Variants in PLAG1 observed in about 807,000 individuals in gnomAD.
The protein encoded by PLAG1 is PLAG1 zinc finger.
Under a neutral mutation model 35.5 loss-of-function variants are expected in PLAG1, and 7 were observed. That is an observed-to-expected ratio of 0.20 (90% confidence interval 0.11 to 0.37). The LOEUF is 0.37. PLAG1 is among the 10% of genes least tolerant of loss of function. PLAG1 has a pLI of 1.00. For synonymous variants in PLAG1, 229 were observed against 225.4 expected (o/e 1.02, Z -0.14); for missense variants, 454 against 602.8 (o/e 0.75, Z 2.58).
intron 2 of PLAG1, among the ~76,000 whole-genome samples, chr8:56,172,151 T>G (rs1057498555): frequency 1.3e-5 from 2 of 152,300 alleles, no homozygotes; most frequent in Non-Finnish European, 2.9e-5. Flanking sequence ...AAAAATAACT[T>G]TCAGATTCTT....
At chr8:56,206,137 A>G (rs987207260) in intron 1 of PLAG1, among the ~76,000 whole-genome samples, 1 of 152,056 alleles carries the variant, frequency 6.6e-6, no homozygotes, top group Non-Finnish European at 1.5e-5. Context: ...GAAAACAAAA[A>G]TACCCAAGTG....
intron 2 of PLAG1, among the ~76,000 whole-genome samples, chr8:56,176,890 C>A (rs558415471): frequency 6.6e-6 from 1 of 152,236 alleles, no homozygotes; most frequent in African/African-American, 2.4e-5. Flanking sequence ...ATCTAGAGAA[C>A]ATGCCTCCAT....
rs548443753 is a variant in PLAG1, at chr8:56,176,676, T to C, written c.-217+2733A>G. Among the ~76,000 whole-genome samples the C allele has an allele frequency of 2.6e-3, 389 of 152,126 alleles. 2 individuals are homozygous for C. Among genetic ancestry groups the C allele is most frequent in the African/African-American group, 8.9e-3 (369 of 41,522 alleles). On this transcript the variant is annotated intron_variant, in intron 2 of 4. Transcript: ENST00000316981. ...ATAATTTCCTGTGCTTTTTTTTTTT[T>C]CTATAAAACAGTCCCAAAATATTGG...
Position 56,164,233 on chromosome 8 carries a change from TA to T in PLAG1, c.*2009del. On this transcript the variant is annotated 3_prime_UTR_variant, in exon 5 of 5. Coordinates refer to ENST00000316981, the MANE Select transcript of PLAG1 (RefSeq NM_002655.3). ...GTATAAAAACTACTGCTCCAAGGAT[TA>T]AAAAAATATAGGAGCATGATAAAAT... is the stretch of plus-strand genomic sequence containing the variant. 4.9e-6 allele frequency: 1 copy of T among 203,550 alleles called. No homozygotes were observed. The highest frequency in any genetic ancestry group is 1.0e-5 in the Non-Finnish European group (1 of 99,112). The allele number at this position is 203,550 out of a possible 1,614,324, so 12.6% of individuals were successfully genotyped here.
chr8:56,205,970 AG>A (rs1812688628), intron 1 of PLAG1, among the ~76,000 whole-genome samples: 1 of 152,030 alleles, frequency 6.6e-6, no homozygotes. Flanking sequence ...TAAGACATCC[AG>A]GGACTTTTAA....
chr8:56,198,285 T>C (rs1447091176), intron 1 of PLAG1, among the ~76,000 whole-genome samples: 1 of 152,028 alleles, frequency 6.6e-6, no homozygotes, highest in African/African-American at 2.4e-5. Flanking sequence ...TATGGAGCAG[T>C]GCTCCAGGGC....
chr8:56,194,791 T>C (rs1475699610), intron 1 of PLAG1, among the ~76,000 whole-genome samples: 2 of 151,714 alleles, frequency 1.3e-5, no homozygotes, highest in Non-Finnish European at 2.9e-5. Context: ...AGAAAGAGAA[T>C]GGAGATGGCA....
At chr8:56,189,141 A>G (rs1812107040) in intron 1 of PLAG1, among the ~76,000 whole-genome samples, 1 of 152,230 alleles carries the variant, frequency 6.6e-6, no homozygotes, top group South Asian at 2.1e-4. Context: ...GGAAGATGAG[A>G]GGAAGGGCAG....
At chr8:56,179,835 T>G (rs1024338746) in intron 1 of PLAG1, among the ~76,000 whole-genome samples, 4 of 152,200 alleles carry the variant, frequency 2.6e-5, no homozygotes, top group Non-Finnish European at 5.9e-5. Flanking sequence ...ACCCATTATC[T>G]TCTCTGCAAC....
At chr8:56,196,393 T>C (rs1812366932) in intron 1 of PLAG1, among the ~76,000 whole-genome samples, 1 of 151,950 alleles carries the variant, frequency 6.6e-6, no homozygotes, top group Admixed American at 6.5e-5. Flanking sequence ...GATATATGAG[T>C]GTGTGATGCC....
chr8:56,189,816 G>A (rs139939388), intron 1 of PLAG1, among the ~76,000 whole-genome samples: 1,758 of 152,266 alleles, frequency 0.012, 95 homozygotes, highest in Admixed American at 0.088. Flanking sequence ...CGTCCCAGTC[G>A]GGGGAGAAGA....
chr8:56,179,023 CAAAAAAAAAAAAAAA>C (rs1173709224), intron 2 of PLAG1, among the ~76,000 whole-genome samples: 1 of 42,934 alleles, frequency 2.3e-5, no homozygotes, highest in Non-Finnish European at 4.4e-5. Flanking sequence ...GCCCAGGAGA[CAAAAAAAAAAAAAAA>C]AAAAAAAAAA....
chr8:56,184,077 C>T (rs2129229065), intron 1 of PLAG1, among the ~76,000 whole-genome samples: 1 of 152,280 alleles, frequency 6.6e-6, no homozygotes, highest in Non-Finnish European at 1.5e-5. Context: ...CTCTGCAAAG[C>T]AGAGATCAAC....
chr8:56,176,678 T>C (rs1483696306), intron 2 of PLAG1, among the ~76,000 whole-genome samples: 1 of 151,912 alleles, frequency 6.6e-6, no homozygotes, highest in Admixed American at 6.5e-5. Flanking sequence ...TTTTTTTTTC[T>C]ATAAAACAGT....
In PLAG1 at chr8:56,165,177, G is replaced by T. The variant is rs1469124784; in HGVS notation, c.*1066C>A. 1.9e-5 allele frequency: 4 copies of T among 212,516 alleles called. No homozygotes were observed. Among genetic ancestry groups the T allele is most frequent in the Non-Finnish European group, 3.8e-5 (4 of 104,992 alleles). The allele number at this position is 212,516 out of a possible 1,614,324, so 13.2% of individuals were successfully genotyped here. Reference sequence around the variant, plus strand: ...TCTAAAAAGTCCAGTTTTTAACCCTGGCTACAGGGGCCATGATCCCTACAC... The same window carrying T: ...TCTAAAAAGTCCAGTTTTTAACCCTTGCTACAGGGGCCATGATCCCTACAC... On this transcript the variant is annotated 3_prime_UTR_variant, in exon 5 of 5. Transcript: ENST00000316981.
intron 1 of PLAG1, among the ~76,000 whole-genome samples, chr8:56,196,903 T>A (rs887448319): frequency 2.4e-4 from 36 of 151,796 alleles, no homozygotes; most frequent in African/African-American, 8.5e-4. Context: ...AGTTGCTCTG[T>A]CTTGTGTTCC....
At chr8:56,174,609 A>C (rs1224360383) in intron 2 of PLAG1, among the ~76,000 whole-genome samples, 1 of 152,214 alleles carries the variant, frequency 6.6e-6, no homozygotes, top group East Asian at 1.9e-4. Context: ...ATGAATGAAA[A>C]AAATTAAAAC....
intron 1 of PLAG1, among the ~76,000 whole-genome samples, chr8:56,206,951 T>C (rs774711768): frequency 6.6e-6 from 1 of 151,978 alleles, no homozygotes; most frequent in African/African-American, 2.4e-5. Flanking sequence ...AATTAAAGAA[T>C]CTAAGATGTT....
At chr8:56,178,091 G>A in intron 2 of PLAG1, 3 of 644,312 alleles carry the variant, frequency 4.7e-6, no homozygotes, top group Non-Finnish European at 5.8e-6. Context: ...GGTTGATCAT[G>A]ATTTATCATT....
Sources: gnomAD v4.1 joint callset for allele counts (sites outside exome capture counted in the v4.1 genomes callset) on GRCh38, gnomAD v4.1.1 for gene constraint, MANE v1.5 for transcripts, NCBI Gene and HGNC (gene_info 2026-07-23, HGNC 2026-07-21) for gene names.